Variants in NTN4 observed in about 807,000 individuals in gnomAD.
NTN4 encodes the protein netrin-4.
A neutral mutation model predicts 73.6 loss-of-function variants in NTN4; 32 were observed. That is an observed-to-expected ratio of 0.44 (90% CI 0.33 to 0.58). The LOEUF (loss-of-function observed/expected upper bound fraction) is 0.58. NTN4 is among the 20% of genes least tolerant of loss of function. The pLI is 0.04. For missense variants in NTN4, 654 were observed against 798.3 expected, an observed-to-expected ratio of 0.82 and a Z score of 2.18; for synonymous variants, 258 against 287.5, an observed-to-expected ratio of 0.90 and a Z score of 1.04.
chr12:95,702,064 G>A (rs967951011), intron 5 of NTN4, among the ~76,000 whole-genome samples: 3 of 152,100 alleles, frequency 2.0e-5, no homozygotes, highest in Admixed American at 2.0e-4. Context: ...TGAATCACTT[G>A]AGGTCAGGAG....
At chr12:95,743,699 T>C (rs944012397) in intron 2 of NTN4, among the ~76,000 whole-genome samples, 4 of 152,226 alleles carry the variant, frequency 2.6e-5, no homozygotes, top group Non-Finnish European at 5.9e-5. Flanking sequence ...TCAAAGAACA[T>C]ATTTTGTATG....
chr12:95,710,696 C>A, intron 4 of NTN4, 67 bp from the exon 5 acceptor site: 1 of 1,472,488 alleles, frequency 6.8e-7, no homozygotes, highest in African/African-American at 1.4e-5. Context: ...ATCTCATATT[C>A]AGATAGGTAA....
At chr12:95,741,436 TA>T (rs2078823966) in intron 2 of NTN4, among the ~76,000 whole-genome samples, 4 of 79,020 alleles carry the variant, frequency 5.1e-5, no homozygotes, top group African/African-American at 1.7e-4. Flanking sequence ...ATTATATATA[TA>T]TATATATATA....
chr12:95,717,446 G>A (rs1338036984), intron 3 of NTN4, among the ~76,000 whole-genome samples: 2 of 152,068 alleles, frequency 1.3e-5, no homozygotes, highest in South Asian at 2.1e-4. Context: ...TGAACCTCCC[G>A]GGGTCTGAAA....
At chr12:95,785,638 C>T (rs10859950) in intron 2 of NTN4, among the ~76,000 whole-genome samples, 83,727 of 152,044 alleles carry the variant, frequency 0.55, 23,650 homozygotes, top group East Asian at 0.78. Context: ...GGCCCCAAAC[C>T]AACCTTTTCA....
At chr12:95,688,015 A>T (rs2078375054) in intron 5 of NTN4, among the ~76,000 whole-genome samples, 2 of 152,222 alleles carry the variant, frequency 1.3e-5, no homozygotes, top group African/African-American at 4.8e-5. Context: ...GTCGGATGGT[A>T]ATAGGATTCC....
intron 9 of NTN4, among the ~76,000 whole-genome samples, chr12:95,661,051 T>C (rs1233353569): frequency 6.6e-6 from 1 of 152,226 alleles, no homozygotes; most frequent in Admixed American, 6.5e-5. Context: ...AAAGTTGTGG[T>C]AAGTTGAGCA....
chr12:95,714,218 A>G (rs2078589050), intron 3 of NTN4, among the ~76,000 whole-genome samples: 1 of 152,158 alleles, frequency 6.6e-6, no homozygotes, highest in Non-Finnish European at 1.5e-5. Context: ...CTAAAAATTA[A>G]TGTTTGGAAT....
chr12:95,680,195 G>A (rs558018038), intron 7 of NTN4, among the ~76,000 whole-genome samples: 2 of 152,172 alleles, frequency 1.3e-5, no homozygotes, highest in African/African-American at 2.4e-5. Flanking sequence ...CAGAAGCAGA[G>A]ATTTAATGTT....
intron 2 of NTN4, among the ~76,000 whole-genome samples, chr12:95,786,599 C>T (rs1458679283): frequency 6.6e-6 from 1 of 152,122 alleles, no homozygotes; most frequent in African/African-American, 2.4e-5. Flanking sequence ...CAGGAACAGA[C>T]TGTCTCAGTA....
intron 5 of NTN4, among the ~76,000 whole-genome samples, chr12:95,703,670 A>C (rs774051059): frequency 2.4e-4 from 36 of 152,366 alleles, no homozygotes; most frequent in Non-Finnish European, 3.1e-4. Flanking sequence ...ATTTCATAGA[A>C]TTAGAACTCT....
chr12:95,760,359 C>T (rs2078978500), intron 2 of NTN4, among the ~76,000 whole-genome samples: 1 of 152,176 alleles, frequency 6.6e-6, no homozygotes, highest in Non-Finnish European at 1.5e-5. Context: ...TTAGAGTTTA[C>T]CTCACACATA....
At chr12:95,688,421 G>T (rs374098271) in intron 5 of NTN4, among the ~76,000 whole-genome samples, 137 of 152,260 alleles carry the variant, frequency 9.0e-4, no homozygotes, top group African/African-American at 3.2e-3. Context: ...ATCTAGAAGA[G>T]AGGACTAGAG....
intron 2 of NTN4, among the ~76,000 whole-genome samples, chr12:95,775,645 C>G (rs773293067): frequency 5.3e-5 from 8 of 152,236 alleles, no homozygotes; most frequent in Non-Finnish European, 1.0e-4. Context: ...GGGGTGCCCG[C>G]TATTGCTGAG....
At chr12:95,714,937 C>A (rs1378720157) in intron 3 of NTN4, among the ~76,000 whole-genome samples, 1 of 152,130 alleles carries the variant, frequency 6.6e-6, no homozygotes, top group East Asian at 1.9e-4. Flanking sequence ...GTTCAACAAA[C>A]CTGAAAACAG....
Position 95,691,330 on chromosome 12 carries a change from T to G in NTN4, c.1181-7619A>C, listed in dbSNP as rs2078399945. 2.7e-5 allele frequency among the ~76,000 whole-genome samples: 4 copies of G among 149,934 alleles called. No homozygotes were observed. In the South Asian group the frequency reaches 8.5e-4, roughly 32 times the overall value. The stretch of plus-strand genomic sequence containing the variant: ...AAATGCAACCCAAGAACTTATTTTT[T>G]CACAATAAATGTCAAAGTTATGACC... On this transcript the variant is annotated intron_variant, in intron 5 of 9. Transcript: ENST00000343702.
At chr12:95,725,275 A>C (rs922923043) in intron 3 of NTN4, among the ~76,000 whole-genome samples, 1 of 152,118 alleles carries the variant, frequency 6.6e-6, no homozygotes, top group African/African-American at 2.4e-5. Context: ...CTTATCTGTC[A>C]AGTAGTGTTT....
rs549825673 is a variant in NTN4, at chr12:95,708,707, C to T, written c.1180+1734G>A. 4.6e-5 allele frequency among the ~76,000 whole-genome samples: 7 copies of T among 152,224 alleles called. No homozygotes were observed. In the South Asian group the frequency reaches 8.3e-4, roughly 18 times the overall value. On this transcript the variant is annotated intron_variant, in intron 5 of 9. Transcript: ENST00000343702. ...TACAGATGCGAGCCACCCCACCTGGCGTAGTTTTCGTTTCTTGAGGGCTTA... is the reference window on the plus strand; with the variant it reads ...TACAGATGCGAGCCACCCCACCTGGTGTAGTTTTCGTTTCTTGAGGGCTTA...
chr12:95,749,105 A>G (rs2078884362), intron 2 of NTN4, among the ~76,000 whole-genome samples: 3 of 152,042 alleles, frequency 2.0e-5, no homozygotes, highest in Non-Finnish European at 4.4e-5. Flanking sequence ...CCACCAGAAA[A>G]CAACCCCCTT....
Sources: allele counts gnomAD v4.1 joint callset (sites outside exome capture counted in the v4.1 genomes callset), GRCh38; gene constraint gnomAD v4.1.1; transcripts MANE v1.5; gene names NCBI Gene and HGNC (gene_info 2026-07-23, HGNC 2026-07-21).